The following FAF1 variants were observed in gnomAD, a reference collection of about 807,000 sequenced individuals.
The protein encoded by FAF1 is FAS-associated factor 1.
Under a neutral mutation model 92.5 loss-of-function variants are expected in FAF1, and 25 were observed. The observed-to-expected ratio is 0.27, with a 90% CI of 0.20 to 0.38. The LOEUF is 0.38. Among genes scored for constraint, FAF1 ranks in the 10% least tolerant of loss-of-function variants. The probability of loss-of-function intolerance (pLI) is 1.00; values close to 1 mark genes in which losing one functional copy is unlikely to be tolerated. For synonymous variants in FAF1, 234 were observed against 273.2 expected (o/e 0.86, Z 1.42); for missense variants, 636 against 793.3 (o/e 0.80, Z 2.38).
At chr1:50,801,292 A>G (rs1661979669) in intron 3 of FAF1, among the ~76,000 whole-genome samples, 1 of 152,202 alleles carries the variant, frequency 6.6e-6, no homozygotes, top group African/African-American at 2.4e-5. Flanking sequence ...AAGTTTGATA[A>G]CCATATTCTG....
intron 7 of FAF1, among the ~76,000 whole-genome samples, chr1:50,699,962 G>A (rs1462159574): frequency 6.6e-6 from 1 of 152,016 alleles, no homozygotes. Context: ...CGGACACAAA[G>A]CTTCACCACA....
At chr1:50,646,231 T>C (rs944551824) in intron 8 of FAF1, among the ~76,000 whole-genome samples, 3 of 152,174 alleles carry the variant, frequency 2.0e-5, no homozygotes, top group Non-Finnish European at 4.4e-5. Context: ...CTCCATTTCC[T>C]CTGCCTCCCA....
chr1:50,844,184 GA>G (rs1205276257), intron 2 of FAF1, among the ~76,000 whole-genome samples: 2 of 152,118 alleles, frequency 1.3e-5, no homozygotes, highest in African/African-American at 4.8e-5. Context: ...CATCTTTTGA[GA>G]AATGTCTATT....
intron 1 of FAF1, among the ~76,000 whole-genome samples, chr1:50,896,369 TAC>T (rs1644758039): frequency 6.6e-6 from 1 of 152,204 alleles, no homozygotes; most frequent in African/African-American, 2.4e-5. Flanking sequence ...ATGTGATTAC[TAC>T]AGTGTATGCC....
intron 18 of FAF1, among the ~76,000 whole-genome samples, chr1:50,455,847 T>C (rs547101864): frequency 3.3e-5 from 5 of 152,164 alleles, no homozygotes; most frequent in African/African-American, 1.2e-4. Context: ...GGGGGCCAGG[T>C]GCATCACTTG....
intron 18 of FAF1, among the ~76,000 whole-genome samples, chr1:50,460,942 A>T (rs149143599): frequency 2.5e-3 from 387 of 152,260 alleles, no homozygotes; most frequent in Non-Finnish European, 4.4e-3. Flanking sequence ...TGTGAGCCAC[A>T]GCACGTGGCC....
intron 1 of FAF1, among the ~76,000 whole-genome samples, chr1:50,872,064 CA>C (rs200142842): frequency 0.13 from 8,751 of 65,442 alleles, 201 homozygotes; most frequent in East Asian, 0.2. Context: ...GACTCCATCT[CA>C]AAAAAAAAAA....
At chr1:50,612,879 G>A (rs904740604) in intron 8 of FAF1, among the ~76,000 whole-genome samples, 4 of 152,112 alleles carry the variant, frequency 2.6e-5, no homozygotes, top group East Asian at 3.8e-4. Flanking sequence ...TCTTAAAACC[G>A]TTATTGTGAA....
intron 1 of FAF1, among the ~76,000 whole-genome samples, chr1:50,886,395 ATACTT>A (rs1384603926): frequency 2.0e-5 from 3 of 152,188 alleles, no homozygotes; most frequent in Non-Finnish European, 2.9e-5. Context: ...TTTAATTACT[ATACTT>A]TAAGTTCTAG....
At chr1:50,888,697 C>A (rs569152500) in intron 1 of FAF1, among the ~76,000 whole-genome samples, 2 of 152,206 alleles carry the variant, frequency 1.3e-5, no homozygotes, top group Non-Finnish European at 2.9e-5. Context: ...ACGAGCCTTG[C>A]ATCCCAGGGA....
intron 1 of FAF1, among the ~76,000 whole-genome samples, chr1:50,869,656 G>T (rs1644510779): frequency 2.0e-5 from 3 of 152,016 alleles, no homozygotes; most frequent in Admixed American, 6.6e-5. Context: ...GTACAGTGAT[G>T]ATTTACTTTA....
chr1:50,726,349 C>A (rs1233521652), intron 6 of FAF1, among the ~76,000 whole-genome samples: 2 of 152,096 alleles, frequency 1.3e-5, no homozygotes, highest in African/African-American at 4.8e-5. Flanking sequence ...GTAAAAGGGA[C>A]AACTACAAAC....
intron 13 of FAF1, among the ~76,000 whole-genome samples, chr1:50,549,330 G>A (rs1649179340): frequency 2.0e-5 from 3 of 152,134 alleles, no homozygotes; most frequent in South Asian, 4.2e-4. Flanking sequence ...TTTTAAAGGG[G>A]TGGGGTCTCA....
intron 7 of FAF1, among the ~76,000 whole-genome samples, chr1:50,688,399 A>C (rs1226900552): frequency 6.6e-6 from 1 of 152,230 alleles, no homozygotes; most frequent in East Asian, 1.9e-4. Context: ...ACCCATGTTT[A>C]TAGCAGCATT....
At chr1:50,923,287 A>AG (rs777555467) in intron 1 of FAF1, among the ~76,000 whole-genome samples, 11 of 152,070 alleles carry the variant, frequency 7.2e-5, no homozygotes, top group Admixed American at 2.6e-4. Context: ...AGCCAGGCAA[A>AG]GGGGTGCAAA....
At chr1:50,763,581 C>T (rs1660443791) in intron 4 of FAF1, among the ~76,000 whole-genome samples, 1 of 152,122 alleles carries the variant, frequency 6.6e-6, no homozygotes, top group Non-Finnish European at 1.5e-5. Context: ...GTCGTTCAGA[C>T]AACATCCTTC....
At chr1:50,906,595 G>A (rs113466952) in intron 1 of FAF1, among the ~76,000 whole-genome samples, 3,110 of 152,082 alleles carry the variant, frequency 0.02, 101 homozygotes, top group African/African-American at 0.071. Flanking sequence ...GGTCCTTCAC[G>A]TCCCTTGTAA....
intron 1 of FAF1, among the ~76,000 whole-genome samples, chr1:50,901,214 C>A (rs1248342358): frequency 6.6e-6 from 1 of 152,010 alleles, no homozygotes; most frequent in Admixed American, 6.5e-5. Context: ...ACCTGCAGGG[C>A]TAAGATTTAT....
intron 13 of FAF1, among the ~76,000 whole-genome samples, chr1:50,560,798 G>A (rs140453220): frequency 2.6e-5 from 4 of 152,292 alleles, no homozygotes; most frequent in African/African-American, 9.6e-5. Context: ...TTCAGAACAA[G>A]AGATACCCAC....
Sources: allele counts gnomAD v4.1 joint callset (sites outside exome capture counted in the v4.1 genomes callset), GRCh38; gene constraint gnomAD v4.1.1; transcripts MANE v1.5; gene names NCBI Gene and HGNC (gene_info 2026-07-23, HGNC 2026-07-21).